RDH10: variants seen among roughly 807,000 people sequenced by gnomAD.
RDH10 encodes retinol dehydrogenase 10, also known as retinol dehydrogenase 10 (all-trans).
A neutral mutation model predicts 30.2 loss-of-function variants in RDH10; 12 were observed. That is an observed-to-expected ratio of 0.40 (90% CI 0.25 to 0.64). RDH10 has a LOEUF of 0.64. RDH10 is among the 30% of genes least tolerant of loss of function. RDH10 has a pLI of 0.43. For synonymous variants in RDH10, 189 were observed against 172.2 expected, an observed-to-expected ratio of 1.10 and a Z score of -0.76; for missense variants, 268 against 445.2, an observed-to-expected ratio of 0.60 and a Z score of 3.58.
chr8:73,297,472 A>T, intron 2 of RDH10, 43 bp downstream of exon 2: 3 of 1,399,966 alleles, frequency 2.1e-6, no homozygotes, highest in Non-Finnish European at 3.0e-6. Context: ...GCCCTCCTTA[A>T]TGAGAAGGTT....
chr8:73,319,807 G>A (rs542886115), intron 3 of RDH10, among the ~76,000 whole-genome samples: 14 of 152,282 alleles, frequency 9.2e-5, no homozygotes, highest in African/African-American at 2.4e-4. Context: ...CAGATGAGGC[G>A]GTCAGGTATC....
In RDH10 at chr8:73,322,743, G is replaced by A; in HGVS notation, c.835G>A (p.Ala279Thr). Reference protein sequence around the residue: ...PDYCVKQAMKAILTDQPMICT... With the variant: ...PDYCVKQAMKTILTDQPMICT... The stretch of plus-strand genomic sequence containing the variant: ...TTACTGTGTGAAGCAGGCCATGAAG[G>A]CCATCCTCACTGACCAGCCCATGAT... The change falls in exon 5 of 6, where the codon GCC becomes ACC. Residue 279 changes from alanine (A) to threonine (T), a missense_variant. Physicochemically the swap from Ala to Thr is moderately conservative, Grantham distance 58. Coordinates refer to ENST00000240285, the MANE Select transcript of RDH10 (RefSeq NM_172037.5). 6.2e-7 allele frequency: 1 copy of A among 1,614,028 alleles called. No individual in the cohort carries two copies. Among genetic ancestry groups the A allele is most frequent in the Non-Finnish European group, 8.5e-7 (1 of 1,179,948 alleles).
chr8:73,313,186 A>G (rs1814600708), intron 2 of RDH10: 3 of 152,240 alleles, frequency 2.0e-5, no homozygotes, highest in Admixed American at 1.3e-4. Context: ...ACAGTCTGTC[A>G]TTAAGAGTAC....
rs1814222395 is a variant in RDH10 at position 73,294,841 on chromosome 8, C to G, written c.-449C>G. 2 of 387,316 alleles carry G rather than the reference C, an allele frequency of 5.2e-6. No homozygotes were observed. The highest frequency in any genetic ancestry group is 7.3e-5 in the East Asian group (2 of 27,344). The allele number at this position is 387,316 out of a possible 1,614,324, so 24.0% of individuals were successfully genotyped here. ...AGTTGACAACTCCCGCGGCAGCCCG[C>G]TGGCCCGTGCCGCCTCCGCTGCGCA... On this transcript the variant is annotated 5_prime_UTR_variant, in exon 1 of 6. Transcript: ENST00000240285.
intron 1 of RDH10, chr8:73,295,895 A>G (rs1321124815): frequency 1.3e-5 from 15 of 1,166,286 alleles, no homozygotes; most frequent in African/African-American, 1.6e-5. Context: ...TTGGATCCCA[A>G]AGAAATGTCT....
At chr8:73,305,764 A>G (rs1814455094) in intron 2 of RDH10, among the ~76,000 whole-genome samples, 1 of 152,208 alleles carries the variant, frequency 6.6e-6, no homozygotes, top group Non-Finnish European at 1.5e-5. Context: ...ACATAGAACC[A>G]GTATTTTCCT....
At chr8:73,310,676 A>G (rs1814548707) in intron 2 of RDH10, among the ~76,000 whole-genome samples, 1 of 152,204 alleles carries the variant, frequency 6.6e-6, no homozygotes, top group Non-Finnish European at 1.5e-5. Flanking sequence ...TTGGCAAGCT[A>G]TTTGGCTGCA....
chr8:73,314,345 G>A (rs1698695600), intron 2 of RDH10, among the ~76,000 whole-genome samples: 1 of 152,166 alleles, frequency 6.6e-6, no homozygotes, highest in African/African-American at 2.4e-5. Context: ...AAAATGTGAT[G>A]CTTTCTAGTC....
intron 2 of RDH10, among the ~76,000 whole-genome samples, chr8:73,314,564 G>T (rs767853871): frequency 7.2e-5 from 11 of 152,196 alleles, no homozygotes; most frequent in Admixed American, 4.6e-4. Context: ...AAAGAAACCC[G>T]AGTGGTCCTG....
chr8:73,295,887 G>T, intron 1 of RDH10: 1 of 1,186,678 alleles, frequency 8.4e-7, no homozygotes, highest in Non-Finnish European at 1.1e-6. Flanking sequence ...CCACAGGTTT[G>T]GATCCCAAAG....
Position 73,297,268 on chromosome 8 carries a change from A to C in RDH10, c.364A>C (p.Arg122=). The change falls in exon 2 of 6, where the codon AGG becomes CGG. Residue 122 remains arginine, a synonymous_variant. Transcript: ENST00000240285. ...VFTYTCDVGK[R]ENVYLTAERV... is the part of the protein sequence containing the mutation. ...TACCTACACCTGTGACGTGGGGAAG[A>C]GGGAGAACGTCTACCTGACGGCTGA... 6.2e-7 allele frequency: 1 copy of C among 1,614,114 alleles called. No homozygotes were observed. Among genetic ancestry groups the C allele is most frequent in the Non-Finnish European group, 8.5e-7 (1 of 1,179,974 alleles).
rs116829652 is a variant in RDH10 at position 73,316,312 on chromosome 8, G to A, written c.526-2784G>A. Among the ~76,000 whole-genome samples the A allele has an allele frequency of 2.4e-3, 372 of 152,214 alleles. 2 individuals carry two copies. The highest frequency in any genetic ancestry group is 8.4e-3 in the African/African-American group (350 of 41,532). On this transcript the variant is annotated intron_variant, in intron 2 of 5. Transcript: ENST00000240285. ...GGGGATTACAAGTGTGAGCCACTGT[G>A]CCCAGCTGTTTTCTAGTTTAGATTG...
intron 2 of RDH10, 72 bp downstream of exon 2, chr8:73,297,501 A>G (rs2130353833): frequency 8.8e-7 from 1 of 1,135,248 alleles, no homozygotes; most frequent in Non-Finnish European, 1.3e-6. Flanking sequence ...GAGAGACTTC[A>G]GTGCCAGCCT....
At chr8:73,321,823 G>C (rs1458718807) in intron 4 of RDH10, 1 of 456,232 alleles carries the variant, frequency 2.2e-6, no homozygotes, top group Non-Finnish European at 4.4e-6. Flanking sequence ...TTCTTAACGT[G>C]TACTGAACTG....
At chr8:73,299,335 G>A (rs1365285680) in intron 2 of RDH10, among the ~76,000 whole-genome samples, 1 of 152,158 alleles carries the variant, frequency 6.6e-6, no homozygotes, top group Non-Finnish European at 1.5e-5. Context: ...CAAAGGGGTG[G>A]TTAGATGAAT....
chr8:73,309,537 T>G (rs1225928941), intron 2 of RDH10, among the ~76,000 whole-genome samples: 1 of 152,108 alleles, frequency 6.6e-6, no homozygotes, highest in Non-Finnish European at 1.5e-5. Flanking sequence ...CTTCTTAATT[T>G]CATGGTGGAG....
rs1213153197 is a variant in RDH10 at position 73,319,167 on chromosome 8, G to C, written c.597G>C (p.Leu199Phe). 1 of 1,613,248 alleles carries C rather than the reference G, an allele frequency of 6.2e-7. No individual in the cohort carries two copies. Among genetic ancestry groups the C allele is most frequent in the Admixed American group, 1.7e-5 (1 of 59,984 alleles). The change falls in exon 3 of 6, where the codon TTG (leucine) becomes TTC (phenylalanine). Residue 199 changes from leucine to phenylalanine, a missense_variant. By Grantham distance (22) the Leu-to-Phe change is conservative (BLOSUM62 0). This residue lies in a region of RDH10 where 136 missense variants were observed against 288.8 expected (regional missense o/e 0.47). Coordinates refer to ENST00000240285, the MANE Select transcript of RDH10 (RefSeq NM_172037.5). ...ATATTGTGACAGTTGCAAGTTCCTT[G>C]GGATTGTTCAGTACTGCCGGAGTTG... ...HGHIVTVASS[L>F]GLFSTAGVED...
At chr8:73,296,187 G>A (rs35680921) in intron 1 of RDH10, among the ~76,000 whole-genome samples, 62,878 of 151,768 alleles carry the variant, frequency 0.41, 14,121 homozygotes, top group South Asian at 0.66. Flanking sequence ...CATGTTTTTG[G>A]TCACCCCAGA....
chr8:73,310,456 C>G (rs779446536), intron 2 of RDH10, among the ~76,000 whole-genome samples: 2 of 152,202 alleles, frequency 1.3e-5, no homozygotes, highest in Non-Finnish European at 2.9e-5. Flanking sequence ...GAGAGCTGTG[C>G]TGTTGGAACA....
Sources: gnomAD v4.1 joint callset for allele counts (sites outside exome capture counted in the v4.1 genomes callset) on GRCh38, gnomAD v4.1.1 for gene constraint, gnomAD v4.1.1 regional missense constraint, MANE v1.5 for transcripts, NCBI Gene and HGNC (gene_info 2026-07-23, HGNC 2026-07-21) for gene names.